Variants in RET observed in about 807,000 individuals in gnomAD.
RET encodes the protein proto-oncogene tyrosine-protein kinase receptor Ret.
RET carries 19 observed loss-of-function variants against 118.3 expected under a neutral mutation model. That is an observed-to-expected ratio of 0.16 (90% confidence interval 0.11 to 0.24). RET has a LOEUF of 0.24. Among genes scored for constraint, RET ranks in the 10% least tolerant of loss-of-function variants. RET has a pLI of 1.00. For synonymous variants in RET, 597 were observed against 644.1 expected, an observed-to-expected ratio of 0.93 and a Z score of 1.11; for missense variants, 1,219 against 1,502.1, an observed-to-expected ratio of 0.81 and a Z score of 3.12.
At chr10:43,096,633 C>G (rs1046676484) in intron 1 of RET, among the ~76,000 whole-genome samples, 2 of 152,198 alleles carry the variant, frequency 1.3e-5, no homozygotes, top group African/African-American at 4.8e-5. Context: ...AACTGAGGCC[C>G]AGAGGAGGCC....
intron 1 of RET, among the ~76,000 whole-genome samples, chr10:43,089,223 T>C (rs1309359632): frequency 1.3e-5 from 2 of 152,216 alleles, no homozygotes; most frequent in Non-Finnish European, 2.9e-5. Flanking sequence ...AGGGTGCACA[T>C]GGGTGCCCCC....
At position 43,100,577 on chromosome 10, in the gene RET, C is replaced by T. The variant is rs1837617736; in HGVS notation, c.192C>T (p.Pro64=). 6.2e-7 allele frequency: 1 copy of T among 1,613,926 alleles called. No homozygotes were observed. Among genetic ancestry groups the T allele is most frequent in the African/African-American group, 1.3e-5 (1 of 75,052 alleles). Residue 64 remains proline, a synonymous_variant, in exon 2 of 20, where the codon CCC becomes CCT. Coordinates refer to ENST00000355710, the MANE Select transcript of RET (RefSeq NM_020975.6). ...TGCGGGACGCCCCTGAGGAGGTGCC[C>T]AGCTTCCGCCTGGGCCAGCATCTCT... ...HALRDAPEEV[P]SFRLGQHLYG...
chr10:43,123,519 A>G, intron 16 of RET, 152 bp from the exon 17 acceptor site: 1 of 1,053,696 alleles, frequency 9.5e-7, no homozygotes, highest in Non-Finnish European at 1.5e-6. Context: ...CATCCATCTG[A>G]GCAGCCAGAC....
rs1422505495 is a variant in RET, at chr10:43,102,516, G to A, written c.512G>A (p.Arg171Lys). 1 of 1,614,196 alleles carries A rather than the reference G, an allele frequency of 6.2e-7. No homozygotes were observed. The highest frequency in any genetic ancestry group is 8.5e-7 in the Non-Finnish European group (1 of 1,180,038). The change falls in exon 3 of 20, where the codon AGG becomes AAG. Residue 171 changes from arginine to lysine, a missense_variant. By Grantham distance (26) the Arg-to-Lys change is conservative. Coordinates refer to ENST00000355710, the MANE Select transcript of RET (RefSeq NM_020975.6). ...CGGGAGCTCTGCTTCCCAGAGACAA[G>A]GCCCTCCTTCCGCATTCGGGAGAAC... ...KPRELCFPETRPSFRIRENRP... is the reference protein window; with the variant it reads ...KPRELCFPETKPSFRIRENRP...
In RET at chr10:43,085,515, C is replaced by T. The variant is rs570705430; in HGVS notation, c.73+8184C>T. Among the ~76,000 whole-genome samples the T allele has an allele frequency of 7.9e-5, 12 of 152,340 alleles. No homozygotes were observed. The East Asian group carries it at 1.7e-3, about 22-fold the overall frequency. On this transcript the variant is annotated intron_variant, in intron 1 of 19. Transcript: ENST00000355710. ...CCAGAGCCTGTCCTGATTTCCATCT[C>T]GGCCACCGTCTGCCCCTCGGCCCCT...
rs73254023 is a variant in RET, at chr10:43,110,654, G to A, written c.1264-553G>A. On this transcript the variant is annotated intron_variant, in intron 6 of 19. Transcript: ENST00000355710. ...CCAGAGGCTCTGCTCAAAGTCCCAG[G>A]GAGGCCCCCTGGTCCTGCATGGGCT... 7.5e-3 allele frequency among the ~76,000 whole-genome samples: 1,149 copies of A among 152,270 alleles called. 15 individuals carry two copies. Among genetic ancestry groups the A allele is most frequent in the African/African-American group, 0.026 (1,081 of 41,554 alleles).
At chr10:43,121,787 G>A (rs917958933) in intron 15 of RET, among the ~76,000 whole-genome samples, 159 bp from the exon 16 acceptor site, 1 of 152,152 alleles carries the variant, frequency 6.6e-6, no homozygotes, top group African/African-American at 2.4e-5. Flanking sequence ...TGGAGCTCCA[G>A]CCCCTTCAAA....
At position 43,096,980 on chromosome 10, in the gene RET, G is replaced by A. The variant is rs1413167151; in HGVS notation, c.74-3479G>A. On this transcript the variant is annotated intron_variant, in intron 1 of 19. Transcript: ENST00000355710. ...TGTGCCCAGCTGCAGAGACCACCTG[G>A]GAGGCATTTTAAGTGCATTTAAGTC... Among the ~76,000 whole-genome samples the A allele has an allele frequency of 3.9e-5, 6 of 152,168 alleles. No individual in the cohort carries two copies. In the South Asian group the frequency reaches 1.2e-3, roughly 31 times the overall value.
chr10:43,092,344 G>A (rs533873704), intron 1 of RET, among the ~76,000 whole-genome samples: 45 of 152,318 alleles, frequency 3.0e-4, no homozygotes, highest in African/African-American at 9.9e-4. Context: ...TGTCTCATGG[G>A]TACAGAATTT....
At chr10:43,096,509 C>T (rs1837525507) in intron 1 of RET, among the ~76,000 whole-genome samples, 1 of 152,192 alleles carries the variant, frequency 6.6e-6, no homozygotes, top group African/African-American at 2.4e-5. Context: ...GTGGCTGAGT[C>T]TGCAGTGAGA....
chr10:43,116,630 A>G lies in RET; in HGVS notation c.2183A>G (p.Lys728Arg), dbSNP rs1042740895. The G allele has an allele frequency of 2.5e-6, 4 of 1,614,244 alleles. No homozygotes were observed. The highest frequency in any genetic ancestry group is 2.7e-5 in the African/African-American group (2 of 75,062). The change falls in exon 12 of 20, where the codon AAA becomes AGA. Residue 728 changes from lysine (K) to arginine (R), a missense_variant. By Grantham distance (26) the Lys-to-Arg change is conservative (BLOSUM62 2). Coordinates refer to ENST00000355710, the MANE Select transcript of RET (RefSeq NM_020975.6). ...CCTCGGAAGAACTTGGTTCTTGGAA[A>G]AACTCTAGGAGAAGGCGAATTTGGA... ...EFPRKNLVLG[K>R]TLGEGEFGKV...
chr10:43,102,810 A>AT (rs1173837681), intron 3 of RET, 181 bp downstream of exon 3: 1 of 719,448 alleles, frequency 1.4e-6, no homozygotes, highest in Non-Finnish European at 2.3e-6. Context: ...AGCTAAGGAT[A>AT]TAACAATGAA....
intron 8 of RET, 76 bp from the exon 9 acceptor site, chr10:43,112,777 G>A: frequency 8.6e-7 from 1 of 1,169,200 alleles, no homozygotes; most frequent in African/African-American, 1.5e-5. Context: ...TAGAGGGGCA[G>A]GATCTGCCTA....
Position 43,114,277 on chromosome 10 carries a change from G to T in RET, c.1880-203G>T, listed in dbSNP as rs557525427. Among the ~76,000 whole-genome samples the T allele has an allele frequency of 2.0e-5, 3 of 152,274 alleles. No homozygotes were observed. Among genetic ancestry groups the T allele is most frequent in the African/African-American group, 7.2e-5 (3 of 41,558 alleles). On this transcript the variant is annotated intron_variant, in intron 10 of 19. Transcript: ENST00000355710. This position sits in a 1 kb window ranked among gnomAD's most constrained non-coding sequence, Gnocchi z 4.6. ...AGCCTCTGTCTCCATCTGTAAGAGGGCAATAGTGGTCTAGGAGGGGGCAGT... is the reference window on the plus strand; with the variant it reads ...AGCCTCTGTCTCCATCTGTAAGAGGTCAATAGTGGTCTAGGAGGGGGCAGT...
At chr10:43,120,009 T>G (rs2132956173) in intron 14 of RET, 72 bp from the exon 15 acceptor site, 1 of 1,598,786 alleles carries the variant, frequency 6.3e-7, no homozygotes, top group Middle Eastern at 2.0e-4. Flanking sequence ...CCTCTGCTGG[T>G]CACACCAGGC....
Position 43,128,195 on chromosome 10 carries a change from C to A in RET, c.3271C>A (p.Pro1091Thr), listed in dbSNP as rs1564502605. ...CACTAACACTGGGTTTCCAAGATAT[C>A]CAAATGATAGTGTATATGCTAACTG... ...DGTNTGFPRY[P>T]NDSVYANWML... Residue 1091 changes from proline to threonine, a missense_variant, in exon 20 of 20, where the codon CCA becomes ACA. Pro to Thr is a conservative substitution (Grantham distance 38, BLOSUM62 -1). Transcript: ENST00000355710. The A allele has an allele frequency of 6.2e-7, 1 of 1,614,162 alleles. No individual in the cohort carries two copies. The highest frequency in any genetic ancestry group is 2.2e-5 in the East Asian group (1 of 44,888).
intron 3 of RET, among the ~76,000 whole-genome samples, chr10:43,103,491 T>TGCAGGGAGAA (rs1837688379): frequency 6.6e-6 from 1 of 152,102 alleles, no homozygotes; most frequent in African/African-American, 2.4e-5. Flanking sequence ...AGAAGGCAGC[T>TGCAGGGAGAA]GACTAGGTGC....
chr10:43,116,541 A>G (rs751695892), intron 11 of RET, 43 bp from the exon 12 acceptor site: 7 of 1,612,258 alleles, frequency 4.3e-6, no homozygotes, highest in Non-Finnish European at 4.2e-6. Context: ...TCATCCTCAC[A>G]CTTTTCCCCC....
Position 43,121,975 on chromosome 10 carries a change from T to C in RET, c.2760T>C (p.Ile920=), listed in dbSNP as rs2132985262. The change falls in exon 16 of 20, where the codon ATT becomes ATC. Residue 920 remains isoleucine, a synonymous_variant. Coordinates refer to ENST00000355710, the MANE Select transcript of RET (RefSeq NM_020975.6). ...GGATTCCAGTTAAATGGATGGCAATTGAATCCCTTTTTGATCATATCTACA... is the reference window on the plus strand; with the variant it reads ...GGATTCCAGTTAAATGGATGGCAATCGAATCCCTTTTTGATCATATCTACA... The part of the protein sequence containing the change: ...QGRIPVKWMA[I]ESLFDHIYTT... The C allele has an allele frequency of 6.2e-7, 1 of 1,613,810 alleles. No homozygotes were observed. The highest frequency in any genetic ancestry group is 1.7e-5 in the Admixed American group (1 of 60,034).
Sources: gnomAD v4.1 joint callset for allele counts (sites outside exome capture counted in the v4.1 genomes callset) on GRCh38, gnomAD v4.1.1 for gene constraint, Gnocchi (gnomAD v3.1) non-coding constraint, MANE v1.5 for transcripts, NCBI Gene and HGNC (gene_info 2026-07-23, HGNC 2026-07-21) for gene names.